Variants in XCR1 observed in about 807,000 individuals in gnomAD.
XCR1 encodes X-C motif chemokine receptor 1, also known as chemokine XC receptor 1.
For missense variants in XCR1, 356 were observed against 424.2 expected (o/e 0.84, Z 1.41); for synonymous variants, 187 against 188.5 (o/e 0.99, Z 0.06).
At chr3:46,041,959 C>T (rs748832045) in intron 5 of XCR1, among the ~76,000 whole-genome samples, 7 of 152,234 alleles carry the variant, frequency 4.6e-5, no homozygotes, top group African/African-American at 7.2e-5. Flanking sequence ...TCCTCAGCTT[C>T]AGCACCCAAT....
In XCR1 at chr3:46,047,885, A is replaced by G. The variant is rs544125789; in HGVS notation, c.-32+6035T>C. 3.4e-4 allele frequency among the ~76,000 whole-genome samples: 51 copies of G among 152,220 alleles called. 1 individual carries two copies. Among genetic ancestry groups the G allele is most frequent in the Non-Finnish European group, 3.1e-4 (21 of 68,046 alleles). On this transcript the variant is annotated intron_variant, in intron 5 of 5. Coordinates refer to the XCR1 transcript ENST00000683768. Reference sequence around the variant, plus strand: ...AGTTAACATAGATTGTTTTCTAGCCAGTGGGCCAGGACAGGGGGTCCATGG... The same window carrying G: ...AGTTAACATAGATTGTTTTCTAGCCGGTGGGCCAGGACAGGGGGTCCATGG...
At chr3:46,055,009 G>T (rs4333119) in intron 4 of XCR1, among the ~76,000 whole-genome samples, 49,592 of 152,126 alleles carry the variant, frequency 0.33, 9,989 homozygotes, top group East Asian at 0.66. Flanking sequence ...GTAACTCAGG[G>T]TGGGAGGAAG....
intron 4 of XCR1, among the ~76,000 whole-genome samples, chr3:46,058,903 A>G (rs1311947976): frequency 1.3e-5 from 2 of 152,130 alleles, no homozygotes; most frequent in East Asian, 1.9e-4. Flanking sequence ...ATTGATTGGG[A>G]AGTAATGGGC....
chr3:46,022,183 C>A, intron 1 of XCR1: 1 of 451,806 alleles, frequency 2.2e-6, no homozygotes, highest in South Asian at 4.0e-5. Flanking sequence ...TGCCTATAGT[C>A]CCAGCTACTC....
intron 5 of XCR1, among the ~76,000 whole-genome samples, chr3:46,053,417 G>T (rs113976435): frequency 6.6e-6 from 1 of 151,358 alleles, no homozygotes; most frequent in Admixed American, 6.6e-5. Flanking sequence ...CGAAGGAGGC[G>T]GTACAGATGT....
intron 5 of XCR1, among the ~76,000 whole-genome samples, chr3:46,038,015 A>T (rs1051370810): frequency 8.4e-5 from 12 of 143,476 alleles, no homozygotes; most frequent in Non-Finnish European, 1.6e-4. Flanking sequence ...TGTTGTGTGC[A>T]CGGGTTTGTT....
chr3:46,053,720 G>T (rs1035852899), intron 5 of XCR1, among the ~76,000 whole-genome samples: 2 of 152,106 alleles, frequency 1.3e-5, no homozygotes, highest in Admixed American at 6.5e-5. Context: ...CATGGGTTAT[G>T]CATAATAACC....
chr3:46,019,053 T>A lies in XCR1; in HGVS notation c.*1893A>T, dbSNP rs1226961505. ...AGTGGCTTTTATTTATGCCCTTGGG[T>A]GTGAAGCAATGGGCCAGTGTGAGAG... On this transcript the variant is annotated 3_prime_UTR_variant, in exon 2 of 2. Coordinates refer to ENST00000309285, the MANE Select transcript of XCR1 (RefSeq NM_001024644.2). The A allele has an allele frequency of 2.0e-5, 3 of 152,082 alleles. No individual in the cohort carries two copies. The highest frequency in any genetic ancestry group is 4.4e-5 in the Non-Finnish European group (3 of 68,008). 9.4% of individuals were successfully genotyped at this position (152,082 alleles called of 1,614,324 possible).
At chr3:46,075,308 C>CAAAAAAAAAAAAAAAAAAAAAAAA (rs56787185) in intron 2 of XCR1, among the ~76,000 whole-genome samples, 33 of 61,630 alleles carry the variant, frequency 5.4e-4, no homozygotes, top group Middle Eastern at 0.017. Flanking sequence ...GCTCATAGAC[C>CAAAAAAAAAAAAAAAAAAAAAAAA]AAAAAAAAAA....
At chr3:46,039,042 T>C (rs1292373885) in intron 5 of XCR1, among the ~76,000 whole-genome samples, 1 of 143,332 alleles carries the variant, frequency 7.0e-6, no homozygotes, top group Non-Finnish European at 1.6e-5. Context: ...CACTGATGGG[T>C]CCTCATGTGT....
At chr3:46,023,033 T>C (rs1708189021) in intron 1 of XCR1, among the ~76,000 whole-genome samples, 1 of 152,210 alleles carries the variant, frequency 6.6e-6, no homozygotes. Context: ...CCAAAAGGAA[T>C]TACAAATCAA....
In XCR1 at chr3:46,062,340, G is replaced by A. The variant is rs991327431; in HGVS notation, c.-183+4559C>T. Among the ~76,000 whole-genome samples the A allele has an allele frequency of 2.6e-5, 4 of 152,290 alleles. No homozygotes were observed. The East Asian group carries it at 7.7e-4, about 29-fold the overall frequency. On this transcript the variant is annotated intron_variant, in intron 4 of 5. Transcript: ENST00000683768. ...TCCACCATGAACACTGAGGCCACAT[G>A]CCAGTCTCCCCACACCCCCCACTAC...
intron 3 of XCR1, among the ~76,000 whole-genome samples, chr3:46,074,348 TA>T (rs1330802154): frequency 6.7e-6 from 1 of 150,238 alleles, no homozygotes; most frequent in African/African-American, 2.5e-5. Flanking sequence ...TTATCTTAAG[TA>T]AAACAACTCA....
rs1000895950 is a variant in XCR1 at position 46,057,959 on chromosome 3, C to T, written c.-182-3889G>A. ...ACGCATCCATCTATCTATCTATCTG[C>T]CATCTATGTATCTATCATCTATCGA... On this transcript the variant is annotated intron_variant, in intron 4 of 5. Coordinates refer to the XCR1 transcript ENST00000683768. 4.0e-5 allele frequency among the ~76,000 whole-genome samples: 6 copies of T among 148,402 alleles called. No individual in the cohort carries two copies. In the East Asian group the frequency reaches 1.2e-3, roughly 30 times the overall value.
intron 5 of XCR1, among the ~76,000 whole-genome samples, chr3:46,038,489 T>G (rs1697476712): frequency 6.6e-6 from 1 of 152,214 alleles, no homozygotes; most frequent in South Asian, 2.1e-4. Flanking sequence ...CTATTGATGT[T>G]TTTAGTTTGC....
At chr3:46,066,675 T>C (rs1179208816) in intron 4 of XCR1, among the ~76,000 whole-genome samples, 1 of 152,170 alleles carries the variant, frequency 6.6e-6, no homozygotes, top group Non-Finnish European at 1.5e-5. Context: ...CCTCTGCATT[T>C]GTAACAAGTG....
intron 3 of XCR1, among the ~76,000 whole-genome samples, chr3:46,067,115 G>A (rs1698091308): frequency 6.6e-6 from 1 of 152,174 alleles, no homozygotes; most frequent in Non-Finnish European, 1.5e-5. Context: ...TCTAGGTGCT[G>A]GGGGTTCAAA....
chr3:46,059,008 G>A (rs984736821), intron 4 of XCR1, among the ~76,000 whole-genome samples: 1 of 152,204 alleles, frequency 6.6e-6, no homozygotes, highest in Non-Finnish European at 1.5e-5. Context: ...GCCAGCAGAA[G>A]CAGCCCTTTT....
intron 1 of XCR1, among the ~76,000 whole-genome samples, chr3:46,024,941 G>C (rs543650005): frequency 6.6e-6 from 1 of 152,122 alleles, no homozygotes; most frequent in African/African-American, 2.4e-5. Flanking sequence ...TCTAGACTCT[G>C]AGTCAAAGAA....
Sources: gnomAD v4.1 joint callset for allele counts (sites outside exome capture counted in the v4.1 genomes callset) on GRCh38, gnomAD v4.1.1 for gene constraint, MANE v1.5 for transcripts, NCBI Gene and HGNC (gene_info 2026-07-23, HGNC 2026-07-21) for gene names.